DOCK3: variants seen among roughly 807,000 people sequenced by gnomAD.
The protein encoded by DOCK3 is dedicator of cytokinesis protein 3.
Under a neutral mutation model 265.6 loss-of-function variants are expected in DOCK3, and 60 were observed. The ratio of observed to expected loss-of-function variants is 0.23; its 90% CI spans 0.18 to 0.28. The LOEUF (loss-of-function observed/expected upper bound fraction) is 0.28. Among genes scored for constraint, DOCK3 ranks in the 10% least tolerant of loss-of-function variants. The pLI, the probability that DOCK3 is intolerant of heterozygous loss-of-function variation, is 1.00. For missense variants in DOCK3, 1,981 were observed against 2,594.3 expected (o/e 0.76, Z 5.14); for synonymous variants, 881 against 938.0 (o/e 0.94, Z 1.11).
chr3:51,001,435 G>A (rs2078481554), intron 5 of DOCK3, among the ~76,000 whole-genome samples: 1 of 152,128 alleles, frequency 6.6e-6, no homozygotes, highest in East Asian at 1.9e-4. Flanking sequence ...TGGTTCTTGG[G>A]CCTTTGGAGT....
chr3:50,845,615 G>A (rs905986728), intron 3 of DOCK3, among the ~76,000 whole-genome samples: 2 of 152,134 alleles, frequency 1.3e-5, no homozygotes, highest in Non-Finnish European at 2.9e-5. Flanking sequence ...GAAATCTAAG[G>A]AATTTACACT....
At chr3:51,363,193 G>C (rs548795883) in intron 49 of DOCK3, among the ~76,000 whole-genome samples, 2 of 152,202 alleles carry the variant, frequency 1.3e-5, no homozygotes, top group Non-Finnish European at 2.9e-5. Context: ...TTGATTTCTT[G>C]TTCAGTTGAA....
At chr3:51,048,144 TG>T (rs1341483408) in intron 5 of DOCK3, among the ~76,000 whole-genome samples, 3 of 150,660 alleles carry the variant, frequency 2.0e-5, no homozygotes, top group Non-Finnish European at 4.4e-5. Flanking sequence ...TCTCAATAGA[TG>T]GGGGGAAAGC....
At chr3:51,128,518 T>G (rs998668679) in intron 9 of DOCK3, among the ~76,000 whole-genome samples, 2 of 152,126 alleles carry the variant, frequency 1.3e-5, no homozygotes, top group African/African-American at 4.8e-5. Context: ...AGTGAATTGG[T>G]CAGAATACCA....
intron 3 of DOCK3, among the ~76,000 whole-genome samples, chr3:50,864,502 A>C (rs2047051877): frequency 6.6e-6 from 1 of 152,120 alleles, no homozygotes; most frequent in Admixed American, 6.6e-5. Flanking sequence ...GGGCTTCCCC[A>C]ACAATTTTTG....
intron 20 of DOCK3, among the ~76,000 whole-genome samples, chr3:51,237,180 C>T (rs1458560723): frequency 2.6e-5 from 4 of 152,150 alleles, no homozygotes; most frequent in Non-Finnish European, 5.9e-5. Context: ...ATGCCATCTA[C>T]ACGCATATTG....
intron 6 of DOCK3, among the ~76,000 whole-genome samples, chr3:51,067,888 G>T (rs963379755): frequency 2.6e-5 from 4 of 152,072 alleles, no homozygotes; most frequent in African/African-American, 9.7e-5. Flanking sequence ...AAAACAGACT[G>T]TTCCACACAA....
At chr3:50,907,767 G>A (rs1474468108) in intron 4 of DOCK3, among the ~76,000 whole-genome samples, 3 of 152,006 alleles carry the variant, frequency 2.0e-5, no homozygotes, top group African/African-American at 7.3e-5. Flanking sequence ...AGTGAATATT[G>A]TTATGTGTGA....
intron 1 of DOCK3, among the ~76,000 whole-genome samples, chr3:50,709,588 G>A (rs1252905848): frequency 6.6e-6 from 1 of 152,164 alleles, no homozygotes; most frequent in East Asian, 1.9e-4. Context: ...CACTTTGGGA[G>A]GCCGAGGTGG....
chr3:51,121,356 G>A (rs752481458), intron 9 of DOCK3, among the ~76,000 whole-genome samples: 1 of 152,126 alleles, frequency 6.6e-6, no homozygotes, highest in Non-Finnish European at 1.5e-5. Flanking sequence ...GATGAACCTA[G>A]TACCTCAATT....
intron 1 of DOCK3, among the ~76,000 whole-genome samples, chr3:50,723,853 T>TA (rs1433486014): frequency 6.6e-6 from 1 of 152,182 alleles, no homozygotes; most frequent in African/African-American, 2.4e-5. Flanking sequence ...AGATGGGATC[T>TA]AATTAAACTA....
At chr3:51,313,038 C>T (rs2083177598) in intron 31 of DOCK3, 136 bp downstream of exon 31, 1 of 791,474 alleles carries the variant, frequency 1.3e-6, no homozygotes. Flanking sequence ...TCACATAACA[C>T]CTCAGATGGA....
rs368819970 is a variant in DOCK3 at position 50,925,824 on chromosome 3, C to CTTTTTTTTTTTTTTTTTTTTTTT, written c.219-8155_219-8133dup. ...TCAGCAGCTACTAGGTAAAACTAGTCTTTTTTTTTTTTTTTTTTTTTTTTG... is the reference window on the plus strand; with the variant it reads ...TCAGCAGCTACTAGGTAAAACTAGTCTTTTTTTTTTTTTTTTTTTTTTTTTTTTTTTTTTTTTTTTTTTTTTTG... On this transcript the variant is annotated intron_variant, in intron 4 of 52. Transcript: ENST00000266037. 4.5e-5 allele frequency among the ~76,000 whole-genome samples: 4 copies of CTTTTTTTTTTTTTTTTTTTTTTT among 88,426 alleles called. 1 individual carries two copies. The highest frequency in any genetic ancestry group is 1.5e-4 in the African/African-American group (3 of 19,402). The allele number at this position is 88,426 out of a possible 152,430, so 58.0% of individuals were successfully genotyped here.
At chr3:50,849,794 T>C (rs1025403856) in intron 3 of DOCK3, among the ~76,000 whole-genome samples, 1 of 152,152 alleles carries the variant, frequency 6.6e-6, no homozygotes, top group Admixed American at 6.5e-5. Context: ...ATTAAAAGCA[T>C]ACTTGTCAGC....
intron 32 of DOCK3, among the ~76,000 whole-genome samples, chr3:51,322,441 G>A (rs767070580): frequency 6.6e-6 from 1 of 152,102 alleles, no homozygotes; most frequent in African/African-American, 2.4e-5. Flanking sequence ...CTGACCTCAT[G>A]ATCTGCCCAC....
chr3:51,292,166 T>A (rs904066492), intron 27 of DOCK3, among the ~76,000 whole-genome samples: 15 of 152,242 alleles, frequency 9.9e-5, no homozygotes, highest in African/African-American at 3.4e-4. Context: ...AAAGCATTTT[T>A]TTTAAGATCA....
intron 9 of DOCK3, among the ~76,000 whole-genome samples, chr3:51,117,804 G>C (rs945789952): frequency 1.3e-5 from 2 of 152,096 alleles, no homozygotes; most frequent in African/African-American, 4.8e-5. Flanking sequence ...GATCAGTGGT[G>C]ATCAACCCTT....
intron 1 of DOCK3, chr3:50,719,752 T>C (rs2037357893): frequency 1.8e-6 from 2 of 1,086,914 alleles, no homozygotes; most frequent in Non-Finnish European, 2.8e-6. Flanking sequence ...TAGATGGACT[T>C]GCCACCAGTG....
intron 1 of DOCK3, among the ~76,000 whole-genome samples, chr3:50,697,969 A>G (rs941222680): frequency 6.6e-6 from 1 of 152,156 alleles, no homozygotes; most frequent in African/African-American, 2.4e-5. Context: ...GATGTTTATC[A>G]TCTTTTGCTT....
Sources: gnomAD v4.1 joint callset for allele counts (sites outside exome capture counted in the v4.1 genomes callset) on GRCh38, gnomAD v4.1.1 for gene constraint, MANE v1.5 for transcripts, NCBI Gene and HGNC (gene_info 2026-07-23, HGNC 2026-07-21) for gene names.